TGFBR2: variants seen among roughly 807,000 people sequenced by gnomAD.
The protein encoded by TGFBR2 is TGF-beta receptor type-2.
In TGFBR2, 18 loss-of-function variants were observed where a neutral mutation model predicts 49.0. That is an observed-to-expected ratio of 0.37 (90% CI 0.25 to 0.54). The LOEUF is 0.54. TGFBR2 is among the 20% of genes least tolerant of loss of function. TGFBR2 has a pLI of 0.85. For synonymous variants in TGFBR2, 282 were observed against 275.9 expected (o/e 1.02, Z -0.22); for missense variants, 525 against 722.6 (o/e 0.73, Z 3.13).
intron 1 of TGFBR2, among the ~76,000 whole-genome samples, chr3:30,618,208 G>A (rs1178413951): frequency 1.3e-5 from 2 of 151,322 alleles, no homozygotes; most frequent in Admixed American, 6.6e-5. Flanking sequence ...AGAACCCAAG[G>A]ACCCATTTCT....
chr3:30,621,893 C>T (rs1018465792), intron 1 of TGFBR2, among the ~76,000 whole-genome samples: 2 of 152,076 alleles, frequency 1.3e-5, no homozygotes, highest in African/African-American at 4.8e-5. Flanking sequence ...CTGCTGCAGC[C>T]GTAGTTAGCC....
chr3:30,658,684 T>A (rs977227117), intron 3 of TGFBR2, among the ~76,000 whole-genome samples: 38 of 152,350 alleles, frequency 2.5e-4, no homozygotes, highest in Non-Finnish European at 1.5e-5. Flanking sequence ...AAAGTTTCAT[T>A]CCTTCCTCTC....
At chr3:30,628,627 C>G (rs1239630884) in intron 1 of TGFBR2, among the ~76,000 whole-genome samples, 1 of 136,802 alleles carries the variant, frequency 7.3e-6, no homozygotes, top group East Asian at 2.4e-4. Flanking sequence ...TGCCTGGGCT[C>G]TGCATTAGGT....
intron 3 of TGFBR2, among the ~76,000 whole-genome samples, chr3:30,654,549 G>T (rs796762361): frequency 2.6e-5 from 4 of 152,202 alleles, no homozygotes; most frequent in African/African-American, 9.6e-5. Flanking sequence ...ATTCCCTCCT[G>T]CCAGAACATT....
intron 1 of TGFBR2, among the ~76,000 whole-genome samples, chr3:30,621,278 CTTT>C (rs10688941): frequency 3.4e-5 from 4 of 116,308 alleles, no homozygotes; most frequent in African/African-American, 3.3e-5. Flanking sequence ...TTTTAATATT[CTTT>C]TTTTTTTTTT....
intron 2 of TGFBR2, among the ~76,000 whole-genome samples, chr3:30,646,572 A>G (rs898811018): frequency 6.6e-6 from 1 of 152,222 alleles, no homozygotes; most frequent in Non-Finnish European, 1.5e-5. Flanking sequence ...CAAGGCAGGC[A>G]GACTTGTGCT....
chr3:30,670,942 G>A (rs1190340017), intron 3 of TGFBR2, among the ~76,000 whole-genome samples: 2 of 152,236 alleles, frequency 1.3e-5, no homozygotes, highest in Non-Finnish European at 2.9e-5. Context: ...TGTCACCCAT[G>A]GGCCCAGGGT....
chr3:30,642,666 C>G (rs1380839212), intron 1 of TGFBR2, among the ~76,000 whole-genome samples: 1 of 152,122 alleles, frequency 6.6e-6, no homozygotes, highest in Non-Finnish European at 1.5e-5. Flanking sequence ...CCAAAACATA[C>G]TCTATACAAA....
intron 5 of TGFBR2, among the ~76,000 whole-genome samples, chr3:30,682,086 A>G (rs1247874160): frequency 1.3e-5 from 2 of 152,058 alleles, no homozygotes; most frequent in Non-Finnish European, 2.9e-5. Context: ...CCGAGCTGGG[A>G]GGGTTCACTC....
intron 5 of TGFBR2, among the ~76,000 whole-genome samples, chr3:30,679,942 A>T (rs1699510160): frequency 6.6e-6 from 1 of 152,236 alleles, no homozygotes; most frequent in African/African-American, 2.4e-5. Context: ...CCTGGCCAAG[A>T]TGGTGAAATG....
At chr3:30,673,199 C>T (rs1404701391) in intron 4 of TGFBR2, among the ~76,000 whole-genome samples, 2 of 152,058 alleles carry the variant, frequency 1.3e-5, no homozygotes, top group South Asian at 2.1e-4. Context: ...AGGTAAACAT[C>T]GAAATATGGA....
intron 1 of TGFBR2, among the ~76,000 whole-genome samples, chr3:30,637,973 C>T (rs568561865): frequency 6.6e-5 from 10 of 152,208 alleles, no homozygotes; most frequent in Non-Finnish European, 1.3e-4. Flanking sequence ...TTTGTTTCCC[C>T]ATACTTTACC....
intron 5 of TGFBR2, 95 bp downstream of exon 5, chr3:30,674,341 G>A (rs2125439655): frequency 1.3e-6 from 2 of 1,499,156 alleles, no homozygotes; most frequent in South Asian, 2.3e-5. Context: ...TTACAAAGCA[G>A]TTATTAGAGC....
intron 2 of TGFBR2, among the ~76,000 whole-genome samples, chr3:30,646,583 C>T (rs572178735): frequency 5.9e-5 from 9 of 152,138 alleles, no homozygotes; most frequent in Non-Finnish European, 1.2e-4. Context: ...GACTTGTGCT[C>T]AGCATAAGTT....
At chr3:30,648,401 C>T (rs952925611) in intron 2 of TGFBR2, among the ~76,000 whole-genome samples, 11 of 142,794 alleles carry the variant, frequency 7.7e-5, no homozygotes, top group African/African-American at 2.3e-4. Context: ...CGTTTTATTA[C>T]CCAAACCAAA....
intron 1 of TGFBR2, among the ~76,000 whole-genome samples, chr3:30,617,182 A>G (rs1038123304): frequency 2.6e-5 from 4 of 152,174 alleles, no homozygotes; most frequent in African/African-American, 9.6e-5. Flanking sequence ...AAAAGACAGA[A>G]TTTGCAACAG....
intron 1 of TGFBR2, among the ~76,000 whole-genome samples, chr3:30,620,022 C>A (rs1698198766): frequency 1.3e-5 from 2 of 152,144 alleles, no homozygotes; most frequent in African/African-American, 4.8e-5. Context: ...CCTGTCTCTA[C>A]TAAAAGTACA....
chr3:30,613,048 A>G (rs999439775), intron 1 of TGFBR2, among the ~76,000 whole-genome samples: 14 of 151,094 alleles, frequency 9.3e-5, no homozygotes, highest in Admixed American at 7.2e-4. Context: ...GTTTGAAGCT[A>G]TCATTATTAG....
chr3:30,626,910 T>G (rs1698341453), intron 1 of TGFBR2: 2 of 151,888 alleles, frequency 1.3e-5, no homozygotes, highest in African/African-American at 4.8e-5. Flanking sequence ...ATAAAAGGAG[T>G]TATTCAGCAG....
Sources: allele counts gnomAD v4.1 joint callset (sites outside exome capture counted in the v4.1 genomes callset), GRCh38; gene constraint gnomAD v4.1.1; transcripts MANE v1.5; gene names NCBI Gene and HGNC (gene_info 2026-07-23, HGNC 2026-07-21).